Variants in RAD51B observed in about 807,000 individuals in gnomAD.
RAD51B encodes DNA repair protein RAD51 homolog 2.
In RAD51B, 38 loss-of-function variants were observed where a neutral mutation model predicts 42.2. The ratio of observed to expected loss-of-function variants is 0.90; its 90% confidence interval spans 0.70 to 1.18. RAD51B has a LOEUF of 1.18. Ranked by LOEUF, RAD51B falls within the 50% of genes most tolerant of loss-of-function variation. The probability of loss-of-function intolerance (pLI) is 0.00; values close to 1 mark genes in which losing one functional copy is unlikely to be tolerated. For missense variants in RAD51B, 373 were observed against 400.7 expected (o/e 0.93, Z 0.59); for synonymous variants, 154 against 145.2 (o/e 1.06, Z -0.43).
intron 10 of RAD51B, among the ~76,000 whole-genome samples, chr14:68,605,063 A>C (rs541748332): frequency 6.6e-6 from 1 of 152,206 alleles, no homozygotes; most frequent in Non-Finnish European, 1.5e-5. Flanking sequence ...CCAGCCCTCA[A>C]GGGAGGCCTC....
At chr14:67,893,982 A>T (rs1406168107) in intron 7 of RAD51B, among the ~76,000 whole-genome samples, 1 of 152,154 alleles carries the variant, frequency 6.6e-6, no homozygotes. Flanking sequence ...CTGGAGGCTA[A>T]AAGTACTGGC....
At chr14:68,651,783 C>T (rs994317427) in intron 11 of RAD51B, among the ~76,000 whole-genome samples, 3 of 152,170 alleles carry the variant, frequency 2.0e-5, no homozygotes, top group African/African-American at 7.2e-5. Context: ...AGAGAGGCCT[C>T]GGCAATGTAT....
At position 68,648,674 on chromosome 14, in the gene RAD51B, A is replaced by ACACAC. The variant is rs1892633858; in HGVS notation, c.1037-2107_1037-2106insCACAC. Among the ~76,000 whole-genome samples the ACACAC allele has an allele frequency of 2.1e-5, 3 of 143,614 alleles. No individual in the cohort carries two copies. In the South Asian group the frequency reaches 6.9e-4, roughly 33 times the overall value. The allele number at this position is 143,614 out of a possible 152,430, so 94.2% of individuals were successfully genotyped here. On this transcript the variant is annotated intron_variant, in intron 10 of 11. Coordinates refer to the RAD51B transcript ENST00000488612. ...AGCTCAATAATGGTAAAAGCACACA[A>ACACAC]ACACACACACACACACACACACACA...
At chr14:68,053,163 C>G (rs1285459892) in intron 7 of RAD51B, among the ~76,000 whole-genome samples, 2 of 152,108 alleles carry the variant, frequency 1.3e-5, no homozygotes, top group Admixed American at 1.3e-4. Context: ...GATTAGTTCT[C>G]CAATAGAACA....
chr14:68,377,493 A>G (rs553119292), intron 8 of RAD51B, among the ~76,000 whole-genome samples: 1 of 152,194 alleles, frequency 6.6e-6, no homozygotes, highest in African/African-American at 2.4e-5. Context: ...CTTTGTTTCA[A>G]CGATGAGCAG....
chr14:68,126,607 G>A (rs1354224432), intron 7 of RAD51B, among the ~76,000 whole-genome samples: 2 of 152,182 alleles, frequency 1.3e-5, no homozygotes, highest in African/African-American at 4.8e-5. Flanking sequence ...GACAGCAGAG[G>A]TGCTTTTTAC....
chr14:68,147,159 T>C (rs1748462275), intron 7 of RAD51B, among the ~76,000 whole-genome samples: 1 of 152,190 alleles, frequency 6.6e-6, no homozygotes, highest in South Asian at 2.1e-4. Context: ...CCAAAGTTGA[T>C]GTATTTTAAA....
At chr14:68,482,621 T>C (rs891717630), downstream of RAD51B, among the ~76,000 whole-genome samples, 1 of 152,186 alleles carries the variant, frequency 6.6e-6, no homozygotes, top group African/African-American at 2.4e-5. Flanking sequence ...ACCATCACTT[T>C]TATCCTGTGG....
At chr14:67,903,365 A>G (rs1336463952) in intron 7 of RAD51B, among the ~76,000 whole-genome samples, 1 of 152,146 alleles carries the variant, frequency 6.6e-6, no homozygotes, top group African/African-American at 2.4e-5. Context: ...CTGAAGTGTA[A>G]CCTAAATATT....
chr14:68,407,974 T>C (rs1202834132), intron 8 of RAD51B, among the ~76,000 whole-genome samples: 1 of 152,108 alleles, frequency 6.6e-6, no homozygotes, highest in Non-Finnish European at 1.5e-5. Context: ...AGCCTGCTGG[T>C]TGTAAATGGG....
intron 7 of RAD51B, among the ~76,000 whole-genome samples, chr14:67,927,664 G>T (rs759542821): frequency 6.6e-6 from 1 of 151,266 alleles, no homozygotes; most frequent in Non-Finnish European, 1.5e-5. Context: ...CAAATGACAT[G>T]ATTTCATTCT....
At chr14:67,876,033 A>T (rs1237787710) in intron 5 of RAD51B, among the ~76,000 whole-genome samples, 1 of 152,126 alleles carries the variant, frequency 6.6e-6, no homozygotes, top group Admixed American at 6.6e-5. Flanking sequence ...ATCATTTGTG[A>T]ATCTAGGTGA....
At chr14:68,611,612 T>C (rs1264152890), downstream of RAD51B, 15 of 362,300 alleles carry the variant, frequency 4.1e-5, no homozygotes. Context: ...TAGTGTGTTT[T>C]GTAGAAGTTG....
At chr14:68,285,200 T>C (rs917832866) in intron 7 of RAD51B, among the ~76,000 whole-genome samples, 2 of 152,184 alleles carry the variant, frequency 1.3e-5, no homozygotes, top group Non-Finnish European at 2.9e-5. Flanking sequence ...AGTTCCGGTC[T>C]CTGTCTCCTT....
chr14:68,341,756 A>G (rs1416817599), intron 8 of RAD51B, among the ~76,000 whole-genome samples: 1 of 152,178 alleles, frequency 6.6e-6, no homozygotes, highest in Non-Finnish European at 1.5e-5. Context: ...AAAGAGTCCT[A>G]TTGGCCCATT....
intron 9 of RAD51B, among the ~76,000 whole-genome samples, chr14:68,440,471 A>G (rs1261057863): frequency 6.6e-6 from 1 of 152,212 alleles, no homozygotes; most frequent in Non-Finnish European, 1.5e-5. Context: ...TCAGCCAGGC[A>G]CAGTGGCTCA....
chr14:68,645,578 C>G (rs892627286), intron 10 of RAD51B, among the ~76,000 whole-genome samples: 46 of 152,318 alleles, frequency 3.0e-4, no homozygotes, highest in African/African-American at 1.1e-3. Flanking sequence ...AACTGCCATA[C>G]TGTTTTCCAC....
chr14:68,035,198 T>G (rs2076102527), intron 7 of RAD51B, among the ~76,000 whole-genome samples: 1 of 152,220 alleles, frequency 6.6e-6, no homozygotes, highest in South Asian at 2.1e-4. Flanking sequence ...CTGACTTTTT[T>G]CTTTTCTTTC....
chr14:68,143,287 T>G (rs1170710139), intron 7 of RAD51B, among the ~76,000 whole-genome samples: 1 of 152,212 alleles, frequency 6.6e-6, no homozygotes, highest in Admixed American at 6.5e-5. Context: ...TTGTGTAGTC[T>G]TCTGTCAGGA....
Sources: allele counts gnomAD v4.1 joint callset (sites outside exome capture counted in the v4.1 genomes callset), GRCh38; gene constraint gnomAD v4.1.1; transcripts MANE v1.5; gene names NCBI Gene and HGNC (gene_info 2026-07-23, HGNC 2026-07-21).